SRBD1: variants seen among roughly 807,000 people sequenced by gnomAD.
SRBD1 encodes S1 RNA binding domain 1, also known as S1 RNA-binding domain-containing protein 1.
A neutral mutation model predicts 115.3 loss-of-function variants in SRBD1; 88 were observed. That is an observed-to-expected ratio of 0.76 (90% CI 0.64 to 0.91). The LOEUF (loss-of-function observed/expected upper bound fraction) is 0.91. SRBD1 is among the 40% of genes least tolerant of loss of function. The pLI is 0.00. For synonymous variants in SRBD1, 509 were observed against 407.7 expected (o/e 1.25, Z -2.99); for missense variants, 1,385 against 1,177.4 (o/e 1.18, Z -2.58).
intron 14 of SRBD1, among the ~76,000 whole-genome samples, chr2:45,501,209 C>T (rs1333658748): frequency 6.6e-6 from 1 of 152,148 alleles, no homozygotes; most frequent in Non-Finnish European, 1.5e-5. Flanking sequence ...GTTGAACCAT[C>T]CTTGCATACT....
chr2:45,582,001 C>T (rs1050748648), intron 5 of SRBD1, among the ~76,000 whole-genome samples, 191 bp from the exon 6 acceptor site: 18 of 152,200 alleles, frequency 1.2e-4, no homozygotes, highest in Non-Finnish European at 8.8e-5. Context: ...AAATCTTCTA[C>T]ATAACCACAA....
intron 5 of SRBD1, among the ~76,000 whole-genome samples, chr2:45,582,614 C>G (rs1380052831): frequency 1.3e-5 from 2 of 152,060 alleles, no homozygotes; most frequent in African/African-American, 2.4e-5. Context: ...GTGCTACAAT[C>G]CATTGCTATC....
intron 15 of SRBD1, among the ~76,000 whole-genome samples, chr2:45,477,836 CTCT>C (rs1379001129): frequency 6.6e-6 from 1 of 152,176 alleles, no homozygotes; most frequent in African/African-American, 2.4e-5. Context: ...AACTGCTTGT[CTCT>C]TAACACACCA....
At chr2:45,597,405 G>GT (rs907039327) in intron 4 of SRBD1, among the ~76,000 whole-genome samples, 1 of 149,812 alleles carries the variant, frequency 6.7e-6, no homozygotes, top group Non-Finnish European at 1.5e-5. Flanking sequence ...GGGCGACAGA[G>GT]TGAGACTCTG....
chr2:45,587,682 G>A (rs1433856890), intron 4 of SRBD1, among the ~76,000 whole-genome samples: 4 of 151,976 alleles, frequency 2.6e-5, no homozygotes, highest in Admixed American at 6.6e-5. Flanking sequence ...TCTCATTCTC[G>A]GGGCACATTA....
At chr2:45,590,381 T>C (rs979931581) in intron 4 of SRBD1, among the ~76,000 whole-genome samples, 1 of 152,176 alleles carries the variant, frequency 6.6e-6, no homozygotes, top group Non-Finnish European at 1.5e-5. Context: ...TTTGTAGGAC[T>C]AACAAATTAG....
At chr2:45,414,474 AGTGTGTGTGTACAGTGTGTATATAGTGT>A (rs1302274152) in intron 18 of SRBD1, among the ~76,000 whole-genome samples, 1 of 143,792 alleles carries the variant, frequency 7.0e-6, no homozygotes, top group South Asian at 2.2e-4. Context: ...GTGTGTATAT[AGTGTGTGTGTACAGTGTGTATATAGTGT>A]GTGTGTACAC....
intron 16 of SRBD1, among the ~76,000 whole-genome samples, chr2:45,450,015 T>G (rs1241441997): frequency 6.6e-6 from 1 of 152,136 alleles, no homozygotes; most frequent in South Asian, 2.1e-4. Flanking sequence ...TGGCTCCATA[T>G]AACACCAATA....
intron 10 of SRBD1, among the ~76,000 whole-genome samples, chr2:45,559,000 G>C (rs1221230646): frequency 2.6e-5 from 4 of 151,810 alleles, no homozygotes; most frequent in Non-Finnish European, 4.4e-5. Context: ...ACGCCCAGCC[G>C]CCACACAAAT....
chr2:45,488,218 G>C (rs771861658), intron 15 of SRBD1, 22 bp downstream of exon 15: 9 of 1,599,228 alleles, frequency 5.6e-6, no homozygotes, highest in Non-Finnish European at 7.7e-6. Flanking sequence ...ACATGTTTTT[G>C]TGATGGTCCA....
At chr2:45,564,813 C>A (rs1019692651) in intron 9 of SRBD1, among the ~76,000 whole-genome samples, 1 of 152,062 alleles carries the variant, frequency 6.6e-6, no homozygotes, top group East Asian at 1.9e-4. Context: ...CTGAAACCCA[C>A]GCATAAGGAG....
chr2:45,418,970 T>C (rs775933481), intron 17 of SRBD1, among the ~76,000 whole-genome samples: 1 of 152,212 alleles, frequency 6.6e-6, no homozygotes, highest in Non-Finnish European at 1.5e-5. Flanking sequence ...TGTTAGCCTG[T>C]TCTCAGTAAT....
intron 14 of SRBD1, among the ~76,000 whole-genome samples, chr2:45,497,543 C>T (rs1024195382): frequency 6.6e-6 from 1 of 152,156 alleles, no homozygotes; most frequent in Non-Finnish European, 1.5e-5. Flanking sequence ...TTCTACTTCA[C>T]TGTGGCTGAG....
intron 14 of SRBD1, among the ~76,000 whole-genome samples, chr2:45,531,409 A>G (rs372901205): frequency 6.6e-6 from 1 of 151,920 alleles, no homozygotes; most frequent in Non-Finnish European, 1.5e-5. Flanking sequence ...ATTACAATAG[A>G]TTTTTAAAGA....
At chr2:45,609,524 C>T (rs1674379245) in intron 1 of SRBD1, among the ~76,000 whole-genome samples, 1 of 152,220 alleles carries the variant, frequency 6.6e-6, no homozygotes, top group South Asian at 2.1e-4. Flanking sequence ...CCCACCCCAT[C>T]CTTCACTTAG....
At chr2:45,508,696 GACTTA>G (rs1670870216) in intron 14 of SRBD1, among the ~76,000 whole-genome samples, 1 of 152,080 alleles carries the variant, frequency 6.6e-6, no homozygotes, top group African/African-American at 2.4e-5. Flanking sequence ...ATGCTATGTT[GACTTA>G]ACTTTGACTT....
At chr2:45,465,412 G>A (rs1669455943) in intron 16 of SRBD1, among the ~76,000 whole-genome samples, 1 of 151,460 alleles carries the variant, frequency 6.6e-6, no homozygotes, top group South Asian at 2.1e-4. Context: ...ATATATGTGT[G>A]TATATATATA....
In SRBD1 at chr2:45,544,486, G is replaced by A. The variant is rs544324743; in HGVS notation, c.1874+2246C>T. Among the ~76,000 whole-genome samples the A allele has an allele frequency of 5.9e-5, 9 of 152,214 alleles. No individual in the cohort carries two copies. In the South Asian group the frequency reaches 1.9e-3, roughly 32 times the overall value. ...TAGGTGGCAGGCCTGAACCTAGGTC[G>A]TCTCTATAGCCCACATACTTCACTT... On this transcript the variant is annotated intron_variant, in intron 14 of 20. Coordinates refer to ENST00000263736, the MANE Select transcript of SRBD1 (RefSeq NM_018079.5).
At chr2:45,603,396 C>T (rs1196254766) in intron 2 of SRBD1, among the ~76,000 whole-genome samples, 3 of 152,184 alleles carry the variant, frequency 2.0e-5, no homozygotes, top group Non-Finnish European at 4.4e-5. Context: ...TTCCTGGCAG[C>T]TTCTCTTTAG....
Sources: allele counts gnomAD v4.1 joint callset (sites outside exome capture counted in the v4.1 genomes callset), GRCh38; gene constraint gnomAD v4.1.1; transcripts MANE v1.5; gene names NCBI Gene and HGNC (gene_info 2026-07-23, HGNC 2026-07-21).